RAB11FIP4: variants seen among roughly 807,000 people sequenced by gnomAD.
The protein encoded by RAB11FIP4 is rab11 family-interacting protein 4.
RAB11FIP4 carries 23 observed loss-of-function variants against 74.3 expected under a neutral mutation model. The ratio of observed to expected loss-of-function variants is 0.31; its 90% CI spans 0.22 to 0.44. The LOEUF (loss-of-function observed/expected upper bound fraction) is 0.44, where lower values mean the gene tolerates loss of function less well. RAB11FIP4 is among the 20% of genes least tolerant of loss of function. The probability of loss-of-function intolerance (pLI) is 1.00; values close to 1 mark genes in which losing one functional copy is unlikely to be tolerated. For missense variants in RAB11FIP4, 630 were observed against 863.9 expected (o/e 0.73, Z 3.39); for synonymous variants, 360 against 359.9 (o/e 1.00, Z 0.00).
chr17:31,404,488 A>G (rs1318101418), intron 1 of RAB11FIP4, among the ~76,000 whole-genome samples: 1 of 152,224 alleles, frequency 6.6e-6, no homozygotes, highest in Non-Finnish European at 1.5e-5. Context: ...TAACCTCTTT[A>G]TGCCTCAGTC....
At chr17:31,462,288 A>C (rs2071641450) in intron 3 of RAB11FIP4, among the ~76,000 whole-genome samples, 1 of 151,996 alleles carries the variant, frequency 6.6e-6, no homozygotes. Context: ...AAACAAAAAA[A>C]AAAACAGGGC....
At chr17:31,395,343 G>T (rs953319842) in intron 1 of RAB11FIP4, among the ~76,000 whole-genome samples, 1 of 152,166 alleles carries the variant, frequency 6.6e-6, no homozygotes, top group Admixed American at 6.5e-5. Flanking sequence ...ACGTCCCACC[G>T]TGTAAGCATG....
At chr17:31,510,951 G>T (rs922319064) in intron 3 of RAB11FIP4, among the ~76,000 whole-genome samples, 2 of 152,180 alleles carry the variant, frequency 1.3e-5, no homozygotes, top group Non-Finnish European at 2.9e-5. Flanking sequence ...AGTCCTGGGA[G>T]TTTGAAGCTG....
intron 3 of RAB11FIP4, chr17:31,488,207 C>G: frequency 1.8e-6 from 2 of 1,117,394 alleles, no homozygotes; most frequent in Non-Finnish European, 2.2e-6. Flanking sequence ...CCCGCGCCCG[C>G]TGGCTTCCGC....
At chr17:31,403,940 G>A (rs537123906) in intron 1 of RAB11FIP4, among the ~76,000 whole-genome samples, 57 of 152,306 alleles carry the variant, frequency 3.7e-4, no homozygotes, top group Non-Finnish European at 6.2e-4. Context: ...AGTAGGTCTG[G>A]GCTCTGCAGG....
chr17:31,428,292 G>A (rs983410914), intron 1 of RAB11FIP4, among the ~76,000 whole-genome samples: 15 of 152,224 alleles, frequency 9.9e-5, no homozygotes, highest in South Asian at 2.1e-4. Context: ...CAAGAAAAAC[G>A]TGGTCCCTAT....
intron 3 of RAB11FIP4, among the ~76,000 whole-genome samples, chr17:31,491,006 A>G (rs2071997311): frequency 1.3e-5 from 2 of 152,214 alleles, no homozygotes; most frequent in South Asian, 2.1e-4. Context: ...CTGGGCACCT[A>G]TGGCTTCAAA....
chr17:31,505,444 T>TA (rs199706315), intron 3 of RAB11FIP4, among the ~76,000 whole-genome samples: 910 of 89,582 alleles, frequency 0.01, 41 homozygotes, highest in African/African-American at 0.052. Flanking sequence ...TATTATATAA[T>TA]ATATAATAAT....
intron 3 of RAB11FIP4, among the ~76,000 whole-genome samples, chr17:31,463,981 T>G (rs2071659038): frequency 6.6e-6 from 1 of 151,028 alleles, no homozygotes; most frequent in African/African-American, 2.4e-5. Context: ...CTCAGCTAAT[T>G]TTTTGTATTT....
chr17:31,516,704 G>A (rs1342913767), intron 3 of RAB11FIP4, among the ~76,000 whole-genome samples: 3 of 152,322 alleles, frequency 2.0e-5, no homozygotes, highest in African/African-American at 7.2e-5. Context: ...TCCTGACCTC[G>A]TGATCTGCCC....
chr17:31,434,146 A>C (rs959727502), intron 3 of RAB11FIP4, 24 bp downstream of exon 3: 17 of 1,537,616 alleles, frequency 1.1e-5, no homozygotes, highest in Non-Finnish European at 1.1e-5. Flanking sequence ...GGCCTCAAGG[A>C]CCTCCATGGC....
intron 3 of RAB11FIP4, among the ~76,000 whole-genome samples, chr17:31,503,828 A>G (rs1165016541): frequency 6.7e-6 from 1 of 149,622 alleles, no homozygotes; most frequent in African/African-American, 2.6e-5. Context: ...ACTTTTTCAT[A>G]TTCTTTTAAG....
chr17:31,528,011 AC>A (rs1438105690), intron 11 of RAB11FIP4, 88 bp downstream of exon 11: 5 of 1,009,550 alleles, frequency 5.0e-6, no homozygotes, highest in African/African-American at 4.9e-5. Flanking sequence ...CAAATGCCGC[AC>A]CCCCTAAGAA....
chr17:31,394,456 G>A (rs1240847219), intron 1 of RAB11FIP4, among the ~76,000 whole-genome samples: 1 of 152,116 alleles, frequency 6.6e-6, no homozygotes, highest in African/African-American at 2.4e-5. Flanking sequence ...AGTGTATGTG[G>A]TTGTTGTCAC....
At chr17:31,506,261 T>C (rs554256721) in intron 3 of RAB11FIP4, among the ~76,000 whole-genome samples, 1 of 152,362 alleles carries the variant, frequency 6.6e-6, no homozygotes, top group African/African-American at 2.4e-5. Flanking sequence ...TCTTTAAGTT[T>C]TTAATTGACA....
At chr17:31,505,620 T>TA (rs1215412862) in intron 3 of RAB11FIP4, among the ~76,000 whole-genome samples, 5 of 36,848 alleles carry the variant, frequency 1.4e-4, no homozygotes, top group East Asian at 4.7e-3. Context: ...TTATATATAA[T>TA]ATATAATTAT....
intron 3 of RAB11FIP4, among the ~76,000 whole-genome samples, chr17:31,453,700 C>T (rs178867): frequency 0.21 from 31,320 of 149,552 alleles, 4,351 homozygotes; most frequent in Non-Finnish European, 0.3. Flanking sequence ...TGGTGCATGC[C>T]TGTAGTCCCA....
intron 3 of RAB11FIP4, among the ~76,000 whole-genome samples, chr17:31,469,476 A>G (rs2071717650): frequency 6.6e-6 from 1 of 152,120 alleles, no homozygotes; most frequent in Non-Finnish European, 1.5e-5. Context: ...TTTTAAAAAA[A>G]ATGAGCTAGG....
At chr17:31,505,511 TA>T (rs1212674304) in intron 3 of RAB11FIP4, among the ~76,000 whole-genome samples, 1 of 88,758 alleles carries the variant, frequency 1.1e-5, no homozygotes, top group Non-Finnish European at 2.1e-5. Context: ...ATATTATATA[TA>T]ATAATTATAT....
Sources: gnomAD v4.1 joint callset for allele counts (sites outside exome capture counted in the v4.1 genomes callset) on GRCh38, gnomAD v4.1.1 for gene constraint, MANE v1.5 for transcripts, NCBI Gene and HGNC (gene_info 2026-07-23, HGNC 2026-07-21) for gene names.